The following ZFHX3 variants were observed in gnomAD, a reference collection of about 807,000 sequenced individuals.
ZFHX3 encodes zinc finger homeobox 3.
ZFHX3 carries 42 observed loss-of-function variants against 279.1 expected under a neutral mutation model. The ratio of observed to expected loss-of-function variants is 0.15; its 90% CI spans 0.12 to 0.19. The LOEUF (loss-of-function observed/expected upper bound fraction) is 0.19, where lower values mean the gene tolerates loss of function less well. Among genes scored for constraint, ZFHX3 ranks in the 10% least tolerant of loss-of-function variants. The pLI, the probability that ZFHX3 is intolerant of heterozygous loss-of-function variation, is 1.00. For synonymous variants in ZFHX3, 2,293 were observed against 1,957.8 expected, an observed-to-expected ratio of 1.17 and a Z score of -4.52; for missense variants, 4,981 against 4,754.0, an observed-to-expected ratio of 1.05 and a Z score of -1.40.
Position 72,959,028 on chromosome 16 carries a change from A to G in ZFHX3, c.1118T>C (p.Met373Thr). ...SFYGKFSGIR[M>T]EGEEALPAGS... ...CGCTGGGAGAGCTTCCTCCCCTTCC[A>G]TTCGAATGCCACTAAATTTACCATA... The change falls in exon 2 of 10, where the codon ATG (methionine) becomes ACG (threonine). Residue 373 changes from methionine to threonine, a missense_variant. Physicochemically the swap from Met to Thr is moderately conservative, Grantham distance 81. Around this residue, in one of 7 missense-constraint regions of ZFHX3, gnomAD observed 1,068 missense variants for 935.2 expected, o/e 1.14. Coordinates refer to ENST00000268489, the MANE Select transcript of ZFHX3 (RefSeq NM_006885.4). The G allele has an allele frequency of 1.2e-6, 2 of 1,613,166 alleles. No homozygotes were observed. Among genetic ancestry groups the G allele is most frequent in the Non-Finnish European group, 8.5e-7 (1 of 1,179,518 alleles).
At chr16:73,450,567 G>A in intron 3 of ZFHX3, among the ~76,000 whole-genome samples, 1 of 152,288 alleles carries the variant, frequency 6.6e-6, no homozygotes, top group South Asian at 2.1e-4. Flanking sequence ...AACGAAAGTA[G>A]CAATCACTTG....
At chr16:73,797,436 C>A (rs1361372953) in intron 1 of ZFHX3, among the ~76,000 whole-genome samples, 2 of 152,166 alleles carry the variant, frequency 1.3e-5, no homozygotes, top group East Asian at 3.8e-4. Context: ...TGGCAGAGGG[C>A]CCATGAGTCC....
At chr16:73,487,469 T>C in intron 2 of ZFHX3, 1 of 443,442 alleles carries the variant, frequency 2.3e-6, no homozygotes. Flanking sequence ...AGCATGATTA[T>C]GGCTCCTTGC....
At chr16:72,971,717 G>A (rs2144510638) in intron 1 of ZFHX3, among the ~76,000 whole-genome samples, 1 of 151,950 alleles carries the variant, frequency 6.6e-6, no homozygotes, top group East Asian at 1.9e-4. Context: ...CAGTTTTCCT[G>A]CACCCTCATC....
chr16:73,644,932 C>T (rs2052605118), intron 2 of ZFHX3, among the ~76,000 whole-genome samples: 1 of 152,094 alleles, frequency 6.6e-6, no homozygotes, highest in Admixed American at 6.5e-5. Context: ...GAGGCTGACA[C>T]GAAGATTCTC....
chr16:73,714,081 C>T (rs774117652), intron 1 of ZFHX3, among the ~76,000 whole-genome samples: 5 of 152,106 alleles, frequency 3.3e-5, no homozygotes, highest in African/African-American at 9.7e-5. Flanking sequence ...TACTTACTGG[C>T]TACAATTATC....
chr16:73,089,884 C>T (rs961792642), intron 8 of ZFHX3, among the ~76,000 whole-genome samples: 1 of 152,208 alleles, frequency 6.6e-6, no homozygotes, highest in Non-Finnish European at 1.5e-5. Flanking sequence ...CGAAGCTGTG[C>T]TTGCTTTAAG....
chr16:73,791,749 C>T (rs77599700), intron 1 of ZFHX3, among the ~76,000 whole-genome samples: 3,098 of 152,240 alleles, frequency 0.02, 65 homozygotes, highest in Middle Eastern at 0.054. Flanking sequence ...AACAAATTCC[C>T]GGATAACGCT....
intron 2 of ZFHX3, chr16:73,487,557 T>A (rs894994968): frequency 2.8e-5 from 9 of 320,922 alleles, no homozygotes; most frequent in South Asian, 1.2e-4. Context: ...CATGCCACCA[T>A]GCCCAGCTAA....
At chr16:73,555,692 C>T (rs1341683010) in intron 2 of ZFHX3, among the ~76,000 whole-genome samples, 2 of 151,656 alleles carry the variant, frequency 1.3e-5, no homozygotes, top group Non-Finnish European at 1.5e-5. Flanking sequence ...ATTAGCCGGG[C>T]GTGGTGGCGG....
intron 1 of ZFHX3, among the ~76,000 whole-genome samples, chr16:72,981,319 G>A (rs1962590072): frequency 6.6e-6 from 1 of 152,150 alleles, no homozygotes; most frequent in Admixed American, 6.5e-5. Flanking sequence ...TCATTACTGA[G>A]CAAAAATGCG....
chr16:73,866,169 ATTTTTTTTTTTTT>A (rs34324522), intron 1 of ZFHX3, among the ~76,000 whole-genome samples: 11 of 74,626 alleles, frequency 1.5e-4, no homozygotes, highest in Admixed American at 6.2e-4. Flanking sequence ...TGCCAGGCTA[ATTTTTTTTTTTTT>A]TTTTTTTTTT....
At chr16:73,433,828 G>A (rs1219663242) in intron 3 of ZFHX3, among the ~76,000 whole-genome samples, 1 of 152,204 alleles carries the variant, frequency 6.6e-6, no homozygotes, top group African/African-American at 2.4e-5. Flanking sequence ...GTGAGCCGTG[G>A]CTTCCCGGCC....
rs554034691 is a variant in ZFHX3, at chr16:73,146,264, C to A, written c.-1103-2433G>T. Among the ~76,000 whole-genome samples, 9 of 152,210 alleles carry A rather than the reference C, an allele frequency of 5.9e-5. No individual in the cohort carries two copies. In the South Asian group the frequency reaches 1.9e-3, roughly 32 times the overall value. ...CCAACATGGTGAAACCCCGTCTCTACTAAAAATACAAAAATTAACTGGGCG... is the reference window on the plus strand; with the variant it reads ...CCAACATGGTGAAACCCCGTCTCTAATAAAAATACAAAAATTAACTGGGCG... On this transcript the variant is annotated intron_variant, in intron 5 of 17. Coordinates refer to the ZFHX3 transcript ENST00000641206.
intron 1 of ZFHX3, among the ~76,000 whole-genome samples, chr16:73,018,147 G>A (rs534778334): frequency 6.6e-6 from 1 of 151,730 alleles, no homozygotes; most frequent in Non-Finnish European, 1.5e-5. Flanking sequence ...CATCACACCC[G>A]GCTAATTTTG....
intron 2 of ZFHX3, among the ~76,000 whole-genome samples, chr16:73,546,602 G>C (rs2020111999): frequency 1.3e-5 from 2 of 152,030 alleles, no homozygotes; most frequent in Non-Finnish European, 2.9e-5. Flanking sequence ...GGCAGGAGTG[G>C]AGATTGCCAG....
intron 1 of ZFHX3, among the ~76,000 whole-genome samples, chr16:73,701,496 A>C (rs368851083): frequency 3.9e-5 from 6 of 152,314 alleles, no homozygotes; most frequent in African/African-American, 1.4e-4. Flanking sequence ...TGCCCACAGA[A>C]GGCAGGCTGC....
At chr16:73,515,015 A>G (rs2019495527) in intron 2 of ZFHX3, among the ~76,000 whole-genome samples, 1 of 152,182 alleles carries the variant, frequency 6.6e-6, no homozygotes, top group African/African-American at 2.4e-5. Flanking sequence ...AAAGGACTTA[A>G]GTTTTGAGAA....
At chr16:73,314,497 G>A (rs2015399285) in intron 4 of ZFHX3, among the ~76,000 whole-genome samples, 1 of 152,202 alleles carries the variant, frequency 6.6e-6, no homozygotes, top group Admixed American at 6.5e-5. Flanking sequence ...CTAATAAATG[G>A]CAGAGCCGGG....
Sources: allele counts gnomAD v4.1 joint callset (sites outside exome capture counted in the v4.1 genomes callset), GRCh38; gene constraint gnomAD v4.1.1; regional missense constraint gnomAD v4.1.1; transcripts MANE v1.5; gene names NCBI Gene and HGNC (gene_info 2026-07-23, HGNC 2026-07-21).